The following CTNNB1 variants were observed in gnomAD, a reference collection of about 807,000 sequenced individuals.
The protein encoded by CTNNB1 is catenin beta 1.
In CTNNB1, 6 loss-of-function variants were observed where a neutral mutation model predicts 82.5. The observed-to-expected ratio is 0.07, with a 90% CI of 0.04 to 0.14. The LOEUF (loss-of-function observed/expected upper bound fraction) is 0.14, where lower values mean the gene tolerates loss of function less well. CTNNB1 is among the 10% of genes least tolerant of loss of function. CTNNB1 has a pLI of 1.00. For missense variants in CTNNB1, 529 were observed against 980.4 expected, an observed-to-expected ratio of 0.54 and a Z score of 6.15; for synonymous variants, 312 against 329.7, an observed-to-expected ratio of 0.95 and a Z score of 0.58.
chr3:41,214,404 A>AAG (rs1249533593), intron 1 of CTNNB1, among the ~76,000 whole-genome samples: 2 of 151,724 alleles, frequency 1.3e-5, no homozygotes, highest in Admixed American at 1.3e-4. Flanking sequence ...TAAAAAAAAA[A>AAG]AAAGATTTTA....
chr3:41,204,240 A>G (rs12492719), intron 1 of CTNNB1, among the ~76,000 whole-genome samples: 4 of 152,038 alleles, frequency 2.6e-5, no homozygotes, highest in African/African-American at 7.3e-5. Flanking sequence ...TTTACTGTCT[A>G]TAAGCTTCTG....
chr3:41,228,049 C>G (rs957161502), intron 7 of CTNNB1, among the ~76,000 whole-genome samples: 1 of 152,022 alleles, frequency 6.6e-6, no homozygotes, highest in Admixed American at 6.6e-5. Flanking sequence ...AGGAAGACAT[C>G]TTGGTATTTT....
chr3:41,225,742 G>A lies in CTNNB1; in HGVS notation c.817G>A (p.Val273Met), dbSNP rs1183899293. Residue 273 changes from valine to methionine, a missense_variant, in exon 6 of 15, where the codon GTG (valine) becomes ATG (methionine). Val to Met is a conservative substitution (Grantham distance 21). Coordinates refer to ENST00000349496, the MANE Select transcript of CTNNB1 (RefSeq NM_001904.4). This position sits in a 1 kb window ranked among gnomAD's most constrained non-coding sequence, Gnocchi z 5.3. ...ACATCAAGAAGGAGCTAAAATGGCA[G>A]TGCGTTTAGCTGGTGGGCTGCAGAA... ...LLHQEGAKMA[V>M]RLAGGLQKMV... is the part of the protein sequence containing the mutation. 2 of 1,614,042 alleles carry A rather than the reference G, an allele frequency of 1.2e-6. No individual in the cohort carries two copies. Among genetic ancestry groups the A allele is most frequent in the African/African-American group, 2.7e-5 (2 of 74,926 alleles).
At chr3:41,201,722 T>TA (rs969446644) in intron 1 of CTNNB1, among the ~76,000 whole-genome samples, 10 of 151,436 alleles carry the variant, frequency 6.6e-5, no homozygotes, top group African/African-American at 1.5e-4. Flanking sequence ...GGTGGCTAAT[T>TA]AAAAAAAAAT....
At chr3:41,208,904 A>T (rs2077712624) in intron 1 of CTNNB1, among the ~76,000 whole-genome samples, 2 of 151,970 alleles carry the variant, frequency 1.3e-5, no homozygotes, top group Non-Finnish European at 2.9e-5. Context: ...CTCTCCTTCC[A>T]CTCACCACCT....
intron 1 of CTNNB1, among the ~76,000 whole-genome samples, chr3:41,204,093 GT>G (rs796356811): frequency 1.6e-3 from 235 of 143,458 alleles, no homozygotes; most frequent in Admixed American, 1.7e-3. Flanking sequence ...TATAGTTAGG[GT>G]TTTTTTTTTT....
chr3:41,218,866 C>T (rs1419842353), intron 1 of CTNNB1, among the ~76,000 whole-genome samples: 1 of 152,170 alleles, frequency 6.6e-6, no homozygotes, highest in Non-Finnish European at 1.5e-5. Flanking sequence ...CGAATTGCAG[C>T]CATATTTAAT....
intron 14 of CTNNB1, chr3:41,238,378 A>G (rs993761508): frequency 3.5e-5 from 12 of 340,776 alleles, no homozygotes; most frequent in Non-Finnish European, 6.0e-5. Context: ...CAGAGGACTC[A>G]TAATACCTTT....
intron 7 of CTNNB1, among the ~76,000 whole-genome samples, chr3:41,229,592 A>G (rs2078256716): frequency 6.6e-6 from 1 of 152,172 alleles, no homozygotes; most frequent in African/African-American, 2.4e-5. Context: ...TATTGGATCA[A>G]GGAGCTTTTG....
chr3:41,235,700 T>C (rs1275850205), intron 10 of CTNNB1, 24 bp from the exon 11 acceptor site: 1 of 1,614,024 alleles, frequency 6.2e-7, no homozygotes, highest in Non-Finnish European at 8.5e-7. Flanking sequence ...ATGCCCTGTT[T>C]GTTAACCATG....
chr3:41,229,865 C>T (rs2078264922), intron 7 of CTNNB1, among the ~76,000 whole-genome samples: 1 of 135,430 alleles, frequency 7.4e-6, no homozygotes, highest in South Asian at 2.4e-4. Flanking sequence ...TGTACTAGGG[C>T]CTCTTGGGTT....
intron 1 of CTNNB1, among the ~76,000 whole-genome samples, chr3:41,213,947 A>T (rs917887023): frequency 1.3e-5 from 2 of 152,196 alleles, no homozygotes; most frequent in African/African-American, 4.8e-5. Context: ...AAGGCTGTCA[A>T]AGGCAGCAAA....
chr3:41,210,539 C>T (rs960267484), intron 1 of CTNNB1, among the ~76,000 whole-genome samples: 4 of 152,156 alleles, frequency 2.6e-5, no homozygotes, highest in Admixed American at 2.0e-4. Context: ...ACTGTATTTC[C>T]ATCTCCACAT....
At position 41,209,764 on chromosome 3, in the gene CTNNB1, A is replaced by G. The variant is rs560024414; in HGVS notation, c.-49+10094A>G. 5.9e-5 allele frequency among the ~76,000 whole-genome samples: 9 copies of G among 152,356 alleles called. No individual in the cohort carries two copies. The South Asian group carries it at 1.9e-3, about 32-fold the overall frequency. ...ACATAGAAAAAGTACAGTAAAAAAT[A>G]TGGTATCAAAAATAAAAAATGGTAC... On this transcript the variant is annotated intron_variant, in intron 1 of 14. Coordinates refer to ENST00000349496, the MANE Select transcript of CTNNB1 (RefSeq NM_001904.4).
At chr3:41,221,605 T>A (rs1401622491) in intron 1 of CTNNB1, 1 of 152,122 alleles carries the variant, frequency 6.6e-6, no homozygotes, top group Non-Finnish European at 1.5e-5. Flanking sequence ...TCCCAAAGTG[T>A]TAGAATTACA....
At chr3:41,238,457 C>T (rs968270699) in intron 14 of CTNNB1, 6 of 219,514 alleles carry the variant, frequency 2.7e-5, no homozygotes, top group Non-Finnish European at 5.5e-5. Flanking sequence ...TGGGTTTTTA[C>T]ATAGTTGCAT....
chr3:41,216,342 G>A (rs2077916662), intron 1 of CTNNB1, among the ~76,000 whole-genome samples: 1 of 152,204 alleles, frequency 6.6e-6, no homozygotes, highest in Non-Finnish European at 1.5e-5. Context: ...TAAAGATGCT[G>A]TAAGTGACTC....
At chr3:41,214,607 C>T (rs1293049490) in intron 1 of CTNNB1, among the ~76,000 whole-genome samples, 1 of 152,070 alleles carries the variant, frequency 6.6e-6, no homozygotes, top group Admixed American at 6.6e-5. Flanking sequence ...CACTTAAAAA[C>T]CCTTTCTATT....
intron 1 of CTNNB1, among the ~76,000 whole-genome samples, chr3:41,205,020 G>T (rs2077616996): frequency 6.6e-6 from 1 of 152,146 alleles, no homozygotes; most frequent in Non-Finnish European, 1.5e-5. Flanking sequence ...AATTAAGATG[G>T]CCAGGTTCAA....
Sources: gnomAD v4.1 joint callset for allele counts (sites outside exome capture counted in the v4.1 genomes callset) on GRCh38, gnomAD v4.1.1 for gene constraint, Gnocchi (gnomAD v3.1) non-coding constraint, MANE v1.5 for transcripts, NCBI Gene and HGNC (gene_info 2026-07-23, HGNC 2026-07-21) for gene names.